TMEM116: variants seen among roughly 807,000 people sequenced by gnomAD.
TMEM116 encodes transmembrane protein 116.
In TMEM116, 38 loss-of-function variants were observed where a neutral mutation model predicts 44.3. That is an observed-to-expected ratio of 0.86 (90% CI 0.66 to 1.12). The LOEUF is 1.12. Among genes scored for constraint, TMEM116 ranks in the 50% most tolerant of loss-of-function variants. TMEM116 has a pLI of 0.00. For synonymous variants in TMEM116, 132 were observed against 144.8 expected (o/e 0.91, Z 0.64); for missense variants, 354 against 401.7 (o/e 0.88, Z 1.01).
chr12:111,976,895 A>G (rs1179385354), intron 4 of TMEM116, among the ~76,000 whole-genome samples: 1 of 152,188 alleles, frequency 6.6e-6, no homozygotes, highest in Non-Finnish European at 1.5e-5. Flanking sequence ...TAATATGTAA[A>G]TAGAAACTTC....
chr12:111,950,777 G>C (rs1226296535), intron 4 of TMEM116, among the ~76,000 whole-genome samples: 1 of 152,096 alleles, frequency 6.6e-6, no homozygotes, highest in South Asian at 2.1e-4. Context: ...AACAGACAAA[G>C]ATTTCATGAC....
intron 4 of TMEM116, among the ~76,000 whole-genome samples, chr12:111,970,540 A>G (rs2075271636): frequency 6.6e-6 from 1 of 152,042 alleles, no homozygotes; most frequent in Non-Finnish European, 1.5e-5. Context: ...TCAAAAGAAC[A>G]AGAAATATAA....
chr12:112,006,375 G>T lies in TMEM116; in HGVS notation c.-33-1072C>A, dbSNP rs2077587422. The stretch of plus-strand genomic sequence containing the variant: ...GGAACTAAAAAAAGGGGTGGGCGGA[G>T]AAATAAATGGGATAGAAAGGAGGTC... On this transcript the variant is annotated intron_variant, in intron 1 of 10. Coordinates refer to ENST00000552374, the MANE Select transcript of TMEM116 (RefSeq NM_001193531.2). Among the ~76,000 whole-genome samples the T allele has an allele frequency of 2.0e-5, 3 of 152,174 alleles. No individual in the cohort carries two copies. The South Asian group carries it at 6.2e-4, about 31-fold the overall frequency.
At chr12:112,006,395 G>A (rs1387048141) in intron 1 of TMEM116, among the ~76,000 whole-genome samples, 1 of 152,196 alleles carries the variant, frequency 6.6e-6, no homozygotes, top group East Asian at 1.9e-4. Flanking sequence ...GGATAGAAAG[G>A]AGGTCTCCCT....
chr12:111,931,875 G>A (rs1005099969), intron 10 of TMEM116, 48 bp from the exon 11 acceptor site: 9 of 1,315,764 alleles, frequency 6.8e-6, no homozygotes. Context: ...GGTTTTCAGG[G>A]ATCCAGGGAA....
rs190913126 is a variant in TMEM116, at chr12:111,993,432, A to G, written c.79-1543T>C. On this transcript the variant is annotated intron_variant, in intron 3 of 10. Coordinates refer to ENST00000552374, the MANE Select transcript of TMEM116 (RefSeq NM_001193531.2). ...TTATGAAGTCTTTAAAGTCTTGTAT[A>G]GCAACATACTCCCAGAGCATGTTAT... is the stretch of plus-strand genomic sequence containing the variant. 7.7e-5 allele frequency: 43 copies of G among 560,506 alleles called. 2 individuals carry two copies. The Middle Eastern group carries it at 3.7e-3, about 49-fold the overall frequency. 34.7% of individuals were successfully genotyped at this position (560,506 alleles called of 1,614,324 possible).
At chr12:111,967,200 T>C (rs1373747090) in intron 4 of TMEM116, among the ~76,000 whole-genome samples, 3 of 152,192 alleles carry the variant, frequency 2.0e-5, no homozygotes, top group Non-Finnish European at 4.4e-5. Flanking sequence ...GAAAAAAAAT[T>C]GATAAATATA....
chr12:111,956,661 G>A (rs137954206), intron 4 of TMEM116, among the ~76,000 whole-genome samples: 10 of 152,304 alleles, frequency 6.6e-5, no homozygotes, highest in South Asian at 6.2e-4. Context: ...CTGCAGGTGC[G>A]CGCCGCCACA....
intron 4 of TMEM116, among the ~76,000 whole-genome samples, chr12:111,945,872 T>G (rs1429986968): frequency 6.6e-6 from 1 of 152,208 alleles, no homozygotes; most frequent in Non-Finnish European, 1.5e-5. Context: ...ATACACCCAT[T>G]CTGTTTTTCA....
chr12:111,966,878 T>C (rs912868664), intron 4 of TMEM116, among the ~76,000 whole-genome samples: 5 of 152,214 alleles, frequency 3.3e-5, no homozygotes, highest in Non-Finnish European at 7.3e-5. Context: ...CTCTAATGCC[T>C]TAACAGACCA....
intron 4 of TMEM116, among the ~76,000 whole-genome samples, chr12:111,956,834 G>A (rs1278514641): frequency 6.6e-6 from 1 of 152,208 alleles, no homozygotes; most frequent in African/African-American, 2.4e-5. Context: ...GCCCAGGCTG[G>A]AGTGAGTGGC....
intron 1 of TMEM116, among the ~76,000 whole-genome samples, chr12:112,007,017 G>T (rs998997689): frequency 6.6e-6 from 1 of 152,192 alleles, no homozygotes; most frequent in African/African-American, 2.4e-5. Context: ...AGGCAGAAGG[G>T]TCTCTTGAGG....
chr12:111,965,849 T>G (rs1247128957), intron 4 of TMEM116: 1 of 221,278 alleles, frequency 4.5e-6, no homozygotes, highest in Non-Finnish European at 9.4e-6. Flanking sequence ...GGCAGGAAAC[T>G]CACTTGAACT....
intron 1 of TMEM116, among the ~76,000 whole-genome samples, chr12:112,008,078 C>T (rs1467413123): frequency 6.6e-6 from 1 of 152,162 alleles, no homozygotes; most frequent in African/African-American, 2.4e-5. Flanking sequence ...AGCTACTCAG[C>T]AGGCTGCGGC....
intron 4 of TMEM116, among the ~76,000 whole-genome samples, chr12:111,962,466 T>G (rs919711242): frequency 6.6e-6 from 1 of 151,970 alleles, no homozygotes; most frequent in African/African-American, 2.4e-5. Context: ...CCAAAACAGA[T>G]ATATAGATCA....
intron 4 of TMEM116, among the ~76,000 whole-genome samples, chr12:111,951,691 T>C (rs2073745492): frequency 6.6e-6 from 1 of 151,806 alleles, no homozygotes. Flanking sequence ...AGGGAGAGGA[T>C]CAGGAAAAAT....
At chr12:111,933,168 G>A (rs1464085799) in intron 9 of TMEM116, among the ~76,000 whole-genome samples, 1 of 151,342 alleles carries the variant, frequency 6.6e-6, no homozygotes, top group African/African-American at 2.4e-5. Flanking sequence ...TTGAACCTGG[G>A]AGGCAGAGGT....
intron 4 of TMEM116, among the ~76,000 whole-genome samples, chr12:111,946,545 G>T (rs2073293136): frequency 6.6e-6 from 1 of 152,184 alleles, no homozygotes; most frequent in Non-Finnish European, 1.5e-5. Flanking sequence ...CCTTTAAGTG[G>T]TTTTCCACCC....
At chr12:111,938,263 TAATA>T (rs2072337965) in intron 5 of TMEM116, 53 bp from the exon 6 acceptor site, 4 of 1,328,870 alleles carry the variant, frequency 3.0e-6, no homozygotes, top group Non-Finnish European at 4.2e-6. Context: ...AATCATATAA[TAATA>T]AATACCAGAT....
Sources: gnomAD v4.1 joint callset for allele counts (sites outside exome capture counted in the v4.1 genomes callset) on GRCh38, gnomAD v4.1.1 for gene constraint, MANE v1.5 for transcripts, NCBI Gene and HGNC (gene_info 2026-07-23, HGNC 2026-07-21) for gene names.